Variants in NSD2 observed in about 807,000 individuals in gnomAD.
The protein encoded by NSD2 is nuclear receptor binding SET domain protein 2.
Under a neutral mutation model 139.0 loss-of-function variants are expected in NSD2, and 12 were observed. That is an observed-to-expected ratio of 0.09 (90% confidence interval 0.06 to 0.14). The LOEUF (loss-of-function observed/expected upper bound fraction) is 0.14, where lower values mean the gene tolerates loss of function less well. Among genes scored for constraint, NSD2 ranks in the 10% least tolerant of loss-of-function variants. The probability of loss-of-function intolerance (pLI) is 1.00; values close to 1 mark genes in which losing one functional copy is unlikely to be tolerated. For missense variants in NSD2, 1,155 were observed against 1,745.0 expected, an observed-to-expected ratio of 0.66 and a Z score of 6.02; for synonymous variants, 669 against 648.7, an observed-to-expected ratio of 1.03 and a Z score of -0.48.
Position 1,900,958 on chromosome 4 carries a change from T to A in NSD2, c.304T>A (p.Ser102Thr), listed in dbSNP as rs754460633. Residue 102 changes from serine to threonine, a missense_variant, in exon 2 of 22, where the codon TCC (serine) becomes ACC (threonine). Physicochemically the swap from Ser to Thr is moderately conservative, Grantham distance 58. Coordinates refer to ENST00000508803, the MANE Select transcript of NSD2 (RefSeq NM_001042424.3). ...GAHDAKLRFESQEMKGIGTPP... is the reference protein window; with the variant it reads ...GAHDAKLRFETQEMKGIGTPP... Reference sequence around the variant, plus strand: ...ACACGATGCCAAACTGCGTTTTGAGTCCCAGGAAATGAAAGGGATTGGGAC... The same window carrying A: ...ACACGATGCCAAACTGCGTTTTGAGACCCAGGAAATGAAAGGGATTGGGAC... 20 of 1,613,856 alleles carry A rather than the reference T, an allele frequency of 1.2e-5. No individual in the cohort carries two copies. In the East Asian group the frequency reaches 4.0e-4, roughly 32 times the overall value.
chr4:1,925,389 C>CTTTTTTTTTTTTTTTT (rs34335852), intron 5 of NSD2, among the ~76,000 whole-genome samples: 11 of 38,006 alleles, frequency 2.9e-4, no homozygotes, highest in African/African-American at 3.5e-4. Flanking sequence ...CTTTTTCTTT[C>CTTTTTTTTTTTTTTTT]TTTTTTTTTT....
In NSD2 at chr4:1,942,446, G is replaced by A. The variant is rs757480204; in HGVS notation, c.1881+2668G>A. 1.9e-5 allele frequency: 30 copies of A among 1,584,116 alleles called. No homozygotes were observed. The highest frequency in any genetic ancestry group is 2.4e-5 in the Non-Finnish European group (28 of 1,166,738). On this transcript the variant is annotated intron_variant, in intron 9 of 21. Transcript: ENST00000508803. This position sits in a 1 kb window ranked among gnomAD's most constrained non-coding sequence, Gnocchi z 4.0. The stretch of plus-strand genomic sequence containing the variant: ...ATGCTGCTGCAGGTGGCGTATCATC[G>A]TACACACTCAGTGACATTTCTATCA...
rs140834348 is a variant in NSD2, at chr4:1,937,639, A to G, written c.1675-812A>G. Among the ~76,000 whole-genome samples, 1,224 of 152,258 alleles carry G rather than the reference A, an allele frequency of 8.0e-3. 22 individuals carry two copies. The highest frequency in any genetic ancestry group is 0.028 in the African/African-American group (1,149 of 41,554). ...ACTGAGCACTTCTGACATGCTAGGCACTGTCCCAAGTGCATTCTCCTGTCG... is the reference window on the plus strand; with the variant it reads ...ACTGAGCACTTCTGACATGCTAGGCGCTGTCCCAAGTGCATTCTCCTGTCG... On this transcript the variant is annotated intron_variant, in intron 7 of 21. Coordinates refer to ENST00000508803, the MANE Select transcript of NSD2 (RefSeq NM_001042424.3).
At chr4:1,890,110 C>G (rs1243383743) in intron 1 of NSD2, among the ~76,000 whole-genome samples, 1 of 152,164 alleles carries the variant, frequency 6.6e-6, no homozygotes, top group African/African-American at 2.4e-5. Flanking sequence ...GCTTCTTTCA[C>G]TTAGCATCAT....
In NSD2 at chr4:1,978,690, T is replaced by G. The variant is rs1727396582; in HGVS notation, c.3879T>G (p.Thr1293=). The G allele has an allele frequency of 6.2e-7, 1 of 1,613,880 alleles. No homozygotes were observed. The highest frequency in any genetic ancestry group is 1.3e-5 in the African/African-American group (1 of 74,938). ...GTGACGTGTGTGGCAAACCTTCGAC[T>G]TCATTTTGCCACCTCTGCCCCAATT... is the stretch of plus-strand genomic sequence containing the variant. ...HHCDVCGKPS[T]SFCHLCPNSF... The change falls in exon 22 of 22, where the codon ACT becomes ACG. Residue 1293 remains threonine (T), a synonymous_variant. Coordinates refer to ENST00000508803, the MANE Select transcript of NSD2 (RefSeq NM_001042424.3).
At position 1,952,255 on chromosome 4, in the gene NSD2, T is replaced by C. The variant is rs772271850; in HGVS notation, c.2137+24T>C. On this transcript the variant is annotated intron_variant, in intron 11 of 21. Transcript: ENST00000508803. ...AGGCAAGTTCCCACGGGCGGGCAGCTCTGCAGCCTGGCCGGCCACCTGCTC... is the reference window on the plus strand; with the variant it reads ...AGGCAAGTTCCCACGGGCGGGCAGCCCTGCAGCCTGGCCGGCCACCTGCTC... 62 of 1,611,766 alleles carry C rather than the reference T, an allele frequency of 3.8e-5. No individual in the cohort carries two copies. In the East Asian group the frequency reaches 1.3e-3, roughly 34 times the overall value.
At position 1,958,581 on chromosome 4, in the gene NSD2, C is replaced by G. The variant is rs1039762091; in HGVS notation, c.2985+545C>G. Among the ~76,000 whole-genome samples the G allele has an allele frequency of 6.6e-6, 1 of 152,246 alleles. No individual in the cohort carries two copies. Among genetic ancestry groups the G allele is most frequent in the African/African-American group, 2.4e-5 (1 of 41,468 alleles). On this transcript the variant is annotated intron_variant, in intron 16 of 21. Coordinates refer to ENST00000508803, the MANE Select transcript of NSD2 (RefSeq NM_001042424.3). This position sits in a 1 kb window ranked among gnomAD's most constrained non-coding sequence, Gnocchi z 4.6. ...TGCGCTCAGAGCTGGTGCGGCAAGC[C>G]GCATCCCCAGGAGCCTCGTGGCCGT...
intron 3 of NSD2, chr4:1,912,126 A>G: frequency 2.4e-6 from 1 of 411,714 alleles, no homozygotes; most frequent in South Asian, 1.8e-5. Flanking sequence ...ACACTTAAAA[A>G]CAAGTCAAAT....
chr4:1,909,986 C>T (rs2108776651), intron 3 of NSD2, among the ~76,000 whole-genome samples: 1 of 152,044 alleles, frequency 6.6e-6, no homozygotes, highest in African/African-American at 2.4e-5. Flanking sequence ...GATTTATGGA[C>T]CAGTTTGAAT....
chr4:1,915,171 A>G lies in NSD2; in HGVS notation c.761-1700A>G, dbSNP rs1402755249. Among the ~76,000 whole-genome samples, 4 of 124,812 alleles carry G rather than the reference A, an allele frequency of 3.2e-5. No homozygotes were observed. In the South Asian group the frequency reaches 7.3e-4, roughly 23 times the overall value. 81.9% of individuals were successfully genotyped at this position (124,812 alleles called of 152,430 possible). A position where few individuals can be genotyped will look rare whatever the true frequency, so the allele number is the denominator to read the frequency against. On this transcript the variant is annotated intron_variant, in intron 3 of 21. Transcript: ENST00000508803. ...GGCTCTGTTGCCCAGGCTGGAGTGC[A>G]GTGGCGCAGTCTCGGCTCACTGCAA...
intron 6 of NSD2, among the ~76,000 whole-genome samples, chr4:1,933,535 G>T (rs1411294266): frequency 6.6e-6 from 1 of 151,920 alleles, no homozygotes; most frequent in African/African-American, 2.4e-5. Flanking sequence ...GACTACAGGC[G>T]CCCGCCACCA....
Position 1,930,703 on chromosome 4 carries a change from G to A in NSD2, c.1488G>A (p.Glu496=). 1 of 1,614,024 alleles carries A rather than the reference G, an allele frequency of 6.2e-7. No individual in the cohort carries two copies. Among genetic ancestry groups the A allele is most frequent in the Non-Finnish European group, 8.5e-7 (1 of 1,179,978 alleles). ...LLRSQWSLLS[E]KQRARYNTKF... is the part of the protein sequence containing the mutation. ...GGTCACAGTGGAGTCTGCTGAGTGA[G>A]AAGCAGAGAGCACGCTACAACACCA... The change falls in exon 6 of 22, where the codon GAG becomes GAA. Residue 496 remains glutamate, a synonymous_variant. Transcript: ENST00000508803.
At chr4:1,873,955 T>C (rs1714062057) in intron 1 of NSD2, among the ~76,000 whole-genome samples, 1 of 152,182 alleles carries the variant, frequency 6.6e-6, no homozygotes, top group African/African-American at 2.4e-5. Flanking sequence ...TCCCAAACTC[T>C]TGGGCTCAAG....
intron 1 of NSD2, among the ~76,000 whole-genome samples, chr4:1,893,292 A>G (rs1715769377): frequency 6.6e-6 from 1 of 151,974 alleles, no homozygotes; most frequent in Non-Finnish European, 1.5e-5. Flanking sequence ...ACATAGTGAA[A>G]CCCCGTCTCT....
At chr4:1,944,643 G>A (rs1006925513) in intron 9 of NSD2, 4 of 1,062,982 alleles carry the variant, frequency 3.8e-6, no homozygotes, top group Non-Finnish European at 4.6e-6. Flanking sequence ...GTACTCCATT[G>A]TAATAGGGTG....
rs1304064921 is a variant in NSD2, at chr4:1,976,437, ATTCT to A, written c.3622-34_3622-31del. Reference sequence around the variant, plus strand: ...TGCCCTATTTGCTTCAGCCTGTGTAATTCTTTCCGGTGATCTGTGCTTAATTCTT... The same window carrying A: ...TGCCCTATTTGCTTCAGCCTGTGTAATTCCGGTGATCTGTGCTTAATTCTT... On this transcript the variant is annotated intron_variant, in intron 20 of 21. Transcript: ENST00000508803. The surrounding 1 kb of genome is among the most constrained non-coding windows in gnomAD (Gnocchi z 5.3). 1 of 1,598,584 alleles carries A rather than the reference ATTCT, an allele frequency of 6.3e-7. No homozygotes were observed. The highest frequency in any genetic ancestry group is 1.8e-5 in the Admixed American group (1 of 57,058).
At chr4:1,923,209 C>T (rs1720389245) in intron 5 of NSD2, among the ~76,000 whole-genome samples, 1 of 151,146 alleles carries the variant, frequency 6.6e-6, no homozygotes, top group South Asian at 2.1e-4. Context: ...AAAATCTAGG[C>T]CAGGCATGGT....
At chr4:1,915,111 CTTTTTTTTTTTT>C (rs781255847) in intron 3 of NSD2, among the ~76,000 whole-genome samples, 2 of 115,562 alleles carry the variant, frequency 1.7e-5, no homozygotes, top group East Asian at 2.4e-4. Flanking sequence ...CTTTTTTTCT[CTTTTTTTTTTTT>C]TTTTTTTTTT....
chr4:1,935,246 A>G lies in NSD2; in HGVS notation c.1658A>G (p.Lys553Arg), dbSNP rs761024107. The G allele has an allele frequency of 5.0e-6, 8 of 1,613,074 alleles. No homozygotes were observed. Among genetic ancestry groups the G allele is most frequent in the Non-Finnish European group, 6.8e-6 (8 of 1,179,360 alleles). ...CCCAGGAAAAGACTCAGGACGGACAAGCACAGTCTTCGGAAGGTAATTGTG... is the reference window on the plus strand; with the variant it reads ...CCCAGGAAAAGACTCAGGACGGACAGGCACAGTCTTCGGAAGGTAATTGTG... ...DTPRKRLRTD[K>R]HSLRKRDTIT... is the part of the protein sequence containing the mutation. Residue 553 changes from lysine to arginine, a missense_variant, in exon 7 of 22, where the codon AAG (lysine) becomes AGG (arginine). Physicochemically the swap from Lys to Arg is conservative, Grantham distance 26. Transcript: ENST00000508803.
Sources: allele counts gnomAD v4.1 joint callset (sites outside exome capture counted in the v4.1 genomes callset), GRCh38; gene constraint gnomAD v4.1.1; non-coding constraint Gnocchi (gnomAD v3.1); transcripts MANE v1.5; gene names NCBI Gene and HGNC (gene_info 2026-07-23, HGNC 2026-07-21).